SPAG16: variants seen among roughly 807,000 people sequenced by gnomAD.
SPAG16 encodes the protein sperm-associated antigen 16 protein.
SPAG16 carries 86 observed loss-of-function variants against 80.4 expected under a neutral mutation model. That is an observed-to-expected ratio of 1.07 (90% CI 0.90 to 1.28). The LOEUF is 1.28. Among genes scored for constraint, SPAG16 ranks in the 50% most tolerant of loss-of-function variants. The probability of loss-of-function intolerance (pLI) is 0.00; values close to 1 mark genes in which losing one functional copy is unlikely to be tolerated. For synonymous variants in SPAG16, 294 were observed against 265.9 expected, an observed-to-expected ratio of 1.11 and a Z score of -1.03; for missense variants, 870 against 765.3, an observed-to-expected ratio of 1.14 and a Z score of -1.61.
intron 10 of SPAG16, among the ~76,000 whole-genome samples, chr2:213,520,086 AAGAGAG>A (rs35798649): frequency 9.4e-5 from 14 of 148,516 alleles, no homozygotes; most frequent in African/African-American, 3.2e-4. Context: ...GAGCAAGAGC[AAGAGAG>A]AGAGAGAGAG....
chr2:213,661,724 A>G (rs1164296580), intron 10 of SPAG16, among the ~76,000 whole-genome samples: 2 of 152,242 alleles, frequency 1.3e-5, no homozygotes, highest in East Asian at 3.8e-4. Flanking sequence ...TAAAAAGCAC[A>G]GCATTTTAAT....
intron 13 of SPAG16, among the ~76,000 whole-genome samples, chr2:214,068,986 T>G (rs2050657852): frequency 6.6e-6 from 1 of 152,118 alleles, no homozygotes; most frequent in Non-Finnish European, 1.5e-5. Context: ...TCTAAAGACA[T>G]GCCACTTAGG....
intron 13 of SPAG16, among the ~76,000 whole-genome samples, chr2:214,077,024 A>T (rs552607974): frequency 1.4e-4 from 21 of 152,118 alleles, no homozygotes; most frequent in Non-Finnish European, 2.1e-4. Context: ...AATAGAGGAG[A>T]GCCTGGAATC....
chr2:214,297,602 C>T (rs1303076857), intron 15 of SPAG16, among the ~76,000 whole-genome samples: 4 of 151,870 alleles, frequency 2.6e-5, no homozygotes, highest in Non-Finnish European at 4.4e-5. Context: ...TCTTTCTTTC[C>T]CCATTGTTTA....
chr2:213,626,834 G>A (rs2061979557), intron 10 of SPAG16, among the ~76,000 whole-genome samples: 1 of 151,890 alleles, frequency 6.6e-6, no homozygotes, highest in African/African-American at 2.4e-5. Flanking sequence ...TTTTAATAGA[G>A]ACGGTGTTTC....
intron 10 of SPAG16, among the ~76,000 whole-genome samples, chr2:213,724,139 TG>T (rs2066649204): frequency 6.6e-6 from 1 of 152,144 alleles, no homozygotes; most frequent in Admixed American, 6.5e-5. Flanking sequence ...TTACTTGACA[TG>T]AGTGGAAATA....
intron 13 of SPAG16, among the ~76,000 whole-genome samples, chr2:214,033,809 G>A (rs10195307): frequency 0.52 from 78,929 of 151,684 alleles, 21,183 homozygotes; most frequent in East Asian, 0.76. Context: ...ATATACCAGG[G>A]TATAATATCT....
At chr2:213,317,434 A>T in intron 5 of SPAG16, 78 bp downstream of exon 5, 1 of 1,449,928 alleles carries the variant, frequency 6.9e-7, no homozygotes, top group Non-Finnish European at 9.1e-7. Context: ...TGATATATGT[A>T]ATATACCAGA....
chr2:213,745,958 T>C (rs923575561), intron 10 of SPAG16, among the ~76,000 whole-genome samples: 3 of 152,226 alleles, frequency 2.0e-5, no homozygotes, highest in African/African-American at 7.2e-5. Flanking sequence ...TCTTGATTTC[T>C]CGTACAATTG....
At chr2:213,972,700 C>G (rs1012876812) in intron 12 of SPAG16, among the ~76,000 whole-genome samples, 3 of 152,124 alleles carry the variant, frequency 2.0e-5, no homozygotes, top group African/African-American at 7.2e-5. Flanking sequence ...CAAGTTTACA[C>G]TTAAAATTAA....
chr2:213,831,582 A>G (rs1195642624), intron 10 of SPAG16, among the ~76,000 whole-genome samples: 3 of 152,140 alleles, frequency 2.0e-5, no homozygotes, highest in Middle Eastern at 3.4e-3. Context: ...TATTCAGCTC[A>G]GGAAAATTTT....
intron 4 of SPAG16, among the ~76,000 whole-genome samples, chr2:213,315,537 C>T (rs772525398): frequency 5.3e-5 from 8 of 152,060 alleles, no homozygotes; most frequent in Middle Eastern, 3.4e-3. Context: ...AGAGAAGAAC[C>T]GCCCTAGATT....
chr2:214,330,997 C>G (rs1483586060), intron 15 of SPAG16, among the ~76,000 whole-genome samples: 2 of 152,076 alleles, frequency 1.3e-5, no homozygotes, highest in Non-Finnish European at 2.9e-5. Context: ...AGACTGTAGC[C>G]CCATGTAGCA....
chr2:214,187,038 A>G (rs2057500933), intron 15 of SPAG16, among the ~76,000 whole-genome samples: 1 of 152,186 alleles, frequency 6.6e-6, no homozygotes, highest in Non-Finnish European at 1.5e-5. Context: ...TGCTGGGATT[A>G]CAGGCATGAG....
chr2:213,309,334 T>C (rs545243089), intron 3 of SPAG16, among the ~76,000 whole-genome samples: 1 of 152,228 alleles, frequency 6.6e-6, no homozygotes, highest in African/African-American at 2.4e-5. Context: ...AGCTGACCCC[T>C]GATCTAGTTG....
At chr2:213,785,661 A>C (rs1362927594) in intron 10 of SPAG16, among the ~76,000 whole-genome samples, 1 of 152,198 alleles carries the variant, frequency 6.6e-6, no homozygotes, top group Non-Finnish European at 1.5e-5. Context: ...TTGAGTTAAC[A>C]TTTGAAAGTA....
chr2:213,594,824 T>C (rs1252824704), intron 10 of SPAG16, among the ~76,000 whole-genome samples: 2 of 152,216 alleles, frequency 1.3e-5, no homozygotes, highest in East Asian at 3.8e-4. Context: ...GTCTTGAACA[T>C]ATGTTCTTTT....
intron 9 of SPAG16, among the ~76,000 whole-genome samples, chr2:213,429,274 C>G (rs1401530565): frequency 1.3e-5 from 2 of 152,084 alleles, no homozygotes; most frequent in Non-Finnish European, 2.9e-5. Context: ...TGAATTCCCA[C>G]CAGAGATGGT....
At chr2:213,868,496 A>C (rs982099328) in intron 11 of SPAG16, among the ~76,000 whole-genome samples, 1 of 152,058 alleles carries the variant, frequency 6.6e-6, no homozygotes, top group Non-Finnish European at 1.5e-5. Flanking sequence ...TATCAGTAAA[A>C]CTCATGCTAC....
Sources: gnomAD v4.1 joint callset for allele counts (sites outside exome capture counted in the v4.1 genomes callset) on GRCh38, gnomAD v4.1.1 for gene constraint, MANE v1.5 for transcripts, NCBI Gene and HGNC (gene_info 2026-07-23, HGNC 2026-07-21) for gene names.